CATSPERB: variants seen among roughly 807,000 people sequenced by gnomAD.
The protein encoded by CATSPERB is cation channel sperm-associated auxiliary subunit beta.
CATSPERB carries 93 observed loss-of-function variants against 128.3 expected under a neutral mutation model. The ratio of observed to expected loss-of-function variants is 0.72; its 90% CI spans 0.61 to 0.86. The LOEUF is 0.86. Among genes scored for constraint, CATSPERB ranks in the 40% least tolerant of loss-of-function variants. CATSPERB has a pLI of 0.00. For missense variants in CATSPERB, 1,153 were observed against 1,329.5 expected (o/e 0.87, Z 2.06); for synonymous variants, 381 against 448.8 (o/e 0.85, Z 1.91).
chr14:91,722,350 T>C (rs1329984781), intron 4 of CATSPERB, among the ~76,000 whole-genome samples: 1 of 152,268 alleles, frequency 6.6e-6, no homozygotes, highest in Non-Finnish European at 1.5e-5. Context: ...CGATATTATT[T>C]GACCATATTA....
rs925587634 is a variant in CATSPERB at position 91,620,589 on chromosome 14, A to T, written c.2260+1019T>A. ...TTGTGCTATTTCGCTAGCATCTTTA[A>T]CAATTTTTGTATTACTTTTGTAATA... On this transcript the variant is annotated intron_variant, in intron 19 of 26. Transcript: ENST00000256343. 3.9e-5 allele frequency among the ~76,000 whole-genome samples: 6 copies of T among 152,038 alleles called. No homozygotes were observed. The South Asian group carries it at 1.0e-3, about 26-fold the overall frequency.
intron 5 of CATSPERB, among the ~76,000 whole-genome samples, chr14:91,715,638 G>A (rs1895926285): frequency 6.6e-6 from 1 of 150,866 alleles, no homozygotes; most frequent in Non-Finnish European, 1.5e-5. Flanking sequence ...AAAAATCACT[G>A]CAGGATTTTT....
At chr14:91,693,549 C>T in intron 7 of CATSPERB, 70 bp from the exon 8 acceptor site, 1 of 1,090,492 alleles carries the variant, frequency 9.2e-7, no homozygotes, top group Non-Finnish European at 1.4e-6. Context: ...GGGGCAAGAG[C>T]CCAGAGTCCG....
intron 12 of CATSPERB, 132 bp downstream of exon 12, chr14:91,674,039 GAAACA>G (rs1566727140): frequency 2.1e-5 from 12 of 576,516 alleles, no homozygotes; most frequent in Non-Finnish European, 3.7e-5. Flanking sequence ...AACCCAAGTA[GAAACA>G]CCACTGGGAG....
intron 17 of CATSPERB, among the ~76,000 whole-genome samples, chr14:91,630,413 C>T (rs1393915111): frequency 2.0e-5 from 3 of 152,196 alleles, no homozygotes; most frequent in African/African-American, 7.2e-5. Context: ...GCTATGAATT[C>T]ATACATCTAA....
chr14:91,694,492 A>G (rs1056741956), intron 7 of CATSPERB, among the ~76,000 whole-genome samples: 1 of 150,670 alleles, frequency 6.6e-6, no homozygotes, highest in African/African-American at 2.4e-5. Flanking sequence ...GATTTAATTC[A>G]TAGAGCCCTA....
At chr14:91,691,953 C>T (rs548634962) in intron 9 of CATSPERB, among the ~76,000 whole-genome samples, 5 of 152,114 alleles carry the variant, frequency 3.3e-5, no homozygotes, top group South Asian at 2.1e-4. Flanking sequence ...CCGCGATAGG[C>T]GGATCACGAG....
At chr14:91,603,071 C>G in intron 22 of CATSPERB, 1 of 785,336 alleles carries the variant, frequency 1.3e-6, no homozygotes, top group Non-Finnish European at 2.4e-6. Context: ...GGGTTTTGGG[C>G]CTGCTTTTTT....
rs186824378 is a variant in CATSPERB, at chr14:91,685,114, A to T, written c.865-1171T>A. On this transcript the variant is annotated intron_variant, in intron 10 of 26. Transcript: ENST00000256343. ...GGTAATTTTTTAATTTTTTGAGGGA[A>T]AGGAGTCTCACTATATTGCCCAGGC... 7.2e-5 allele frequency among the ~76,000 whole-genome samples: 11 copies of T among 152,198 alleles called. No individual in the cohort carries two copies. In the East Asian group the frequency reaches 1.9e-3, roughly 27 times the overall value.
At chr14:91,694,883 G>A (rs547706173) in intron 7 of CATSPERB, among the ~76,000 whole-genome samples, 1 of 152,290 alleles carries the variant, frequency 6.6e-6, no homozygotes, top group Admixed American at 6.5e-5. Context: ...TAACTACTGG[G>A]CTGGGGAGGA....
At chr14:91,589,502 A>T in intron 24 of CATSPERB, 32 bp downstream of exon 24, 1 of 1,591,700 alleles carries the variant, frequency 6.3e-7, no homozygotes, top group Non-Finnish European at 8.6e-7. Context: ...TACTTATCAG[A>T]TAAAATAATT....
At chr14:91,658,504 A>G (rs890273830) in intron 15 of CATSPERB, among the ~76,000 whole-genome samples, 6 of 151,544 alleles carry the variant, frequency 4.0e-5, no homozygotes, top group Admixed American at 6.6e-5. Flanking sequence ...ACTACAGTCA[A>G]TAATAATTTA....
intron 11 of CATSPERB, among the ~76,000 whole-genome samples, chr14:91,682,131 G>A (rs534403937): frequency 2.2e-4 from 34 of 152,274 alleles, no homozygotes; most frequent in Admixed American, 1.8e-3. Flanking sequence ...GCCGTGGTGC[G>A]TGCAAGCCAC....
chr14:91,728,322 C>A lies in CATSPERB; in HGVS notation c.79+1079G>T, dbSNP rs951958139. Among the ~76,000 whole-genome samples, 3 of 152,020 alleles carry A rather than the reference C, an allele frequency of 2.0e-5. No homozygotes were observed. In the South Asian group the frequency reaches 6.2e-4, roughly 32 times the overall value. ...TAGAGAAGAGGTTTTGCCATGTTGCCCAGGCTGGTCTCCAACTCCTGGGCT... is the reference window on the plus strand; with the variant it reads ...TAGAGAAGAGGTTTTGCCATGTTGCACAGGCTGGTCTCCAACTCCTGGGCT... On this transcript the variant is annotated intron_variant, in intron 2 of 26. Coordinates refer to ENST00000256343, the MANE Select transcript of CATSPERB (RefSeq NM_024764.4).
At chr14:91,682,433 C>A (rs1016273952) in intron 11 of CATSPERB, among the ~76,000 whole-genome samples, 9 of 152,178 alleles carry the variant, frequency 5.9e-5, no homozygotes, top group Non-Finnish European at 8.8e-5. Context: ...ACACCTGTAA[C>A]ATGGGATGGT....
intron 10 of CATSPERB, among the ~76,000 whole-genome samples, chr14:91,690,971 A>G (rs1895460327): frequency 6.6e-6 from 1 of 152,254 alleles, no homozygotes; most frequent in African/African-American, 2.4e-5. Context: ...GGAATGACCT[A>G]GTTCATTAAT....
intron 13 of CATSPERB, among the ~76,000 whole-genome samples, chr14:91,671,218 T>C (rs7146527): frequency 0.09 from 13,686 of 152,166 alleles, 634 homozygotes; most frequent in Middle Eastern, 0.16. Flanking sequence ...AGAGGAGTTT[T>C]ATACCCCTGA....
Position 91,629,669 on chromosome 14 carries a change from CTG to C in CATSPERB, c.1743-4664_1743-4663del, listed in dbSNP as rs777968107. Among the ~76,000 whole-genome samples, 4 of 152,246 alleles carry C rather than the reference CTG, an allele frequency of 2.6e-5. No individual in the cohort carries two copies. In the East Asian group the frequency reaches 7.7e-4, roughly 29 times the overall value. On this transcript the variant is annotated intron_variant, in intron 17 of 26. Transcript: ENST00000256343. ...TTTTCTGCTCAATTTTGCTGTAAAA[CTG>C]TAATTAATTTAAAAAGTTTATTAAT...
rs1894379867 is a variant in CATSPERB at position 91,636,572 on chromosome 14, T to C, written c.1595A>G (p.Asp532Gly). The C allele has an allele frequency of 6.2e-7, 1 of 1,610,524 alleles. No homozygotes were observed. The highest frequency in any genetic ancestry group is 8.5e-7 in the Non-Finnish European group (1 of 1,178,740). The change falls in exon 17 of 27, where the codon GAT (aspartate) becomes GGT (glycine). Residue 532 changes from aspartate to glycine, a missense_variant. Physicochemically the swap from Asp to Gly is moderately conservative, Grantham distance 94. Coordinates refer to ENST00000256343, the MANE Select transcript of CATSPERB (RefSeq NM_024764.4). ...GGCAAGCGCAGTCTCAAAGCCCATA[T>C]CTGGAGGCTGGAAACAGAGAAAAGA... Reference protein sequence around the residue: ...NSRNLFGQPPDMGFETALAPQ... With the variant: ...NSRNLFGQPPGMGFETALAPQ...
Sources: gnomAD v4.1 joint callset for allele counts (sites outside exome capture counted in the v4.1 genomes callset) on GRCh38, gnomAD v4.1.1 for gene constraint, MANE v1.5 for transcripts, NCBI Gene and HGNC (gene_info 2026-07-23, HGNC 2026-07-21) for gene names.